Variants in FGF13 observed in about 807,000 individuals in gnomAD.
FGF13 encodes fibroblast growth factor homologous factor 2.
FGF13 carries 2 observed loss-of-function variants against 19.5 expected under a neutral mutation model. That is an observed-to-expected ratio of 0.10 (90% CI 0.04 to 0.32). FGF13 has a LOEUF of 0.32. Among genes scored for constraint, FGF13 ranks in the 10% least tolerant of loss-of-function variants. The pLI, the probability that FGF13 is intolerant of heterozygous loss-of-function variation, is 1.00. For missense variants in FGF13, 113 were observed against 192.7 expected, an observed-to-expected ratio of 0.59 and a Z score of 2.45; for synonymous variants, 72 against 76.9, an observed-to-expected ratio of 0.94 and a Z score of 0.33.
At chrX:139,084,059 C>T (rs986783251) in intron 1 of FGF13, among the ~76,000 whole-genome samples, 3 of 109,397 alleles carry the variant, frequency 2.7e-5, no homozygotes, top group African/African-American at 1.0e-4. Flanking sequence ...CTGAGCACTA[C>T]AGCCATGATA....
At chrX:139,022,984 C>T (rs1220144598) in intron 1 of FGF13, among the ~76,000 whole-genome samples, 3 of 111,356 alleles carry the variant, frequency 2.7e-5, no homozygotes, top group African/African-American at 9.8e-5. Context: ...TATTATTAGA[C>T]CCATACTACA....
intron 1 of FGF13, among the ~76,000 whole-genome samples, chrX:138,941,112 A>C (rs1469416317): frequency 1.8e-5 from 2 of 111,280 alleles, no homozygotes; most frequent in Admixed American, 9.6e-5. Flanking sequence ...CATCCCACTG[A>C]ATGGGCAAAA....
rs764971635 is a variant in FGF13, at chrX:138,726,455, G to A, written c.28+12787C>T. 6.9e-4 allele frequency among the ~76,000 whole-genome samples: 78 copies of A among 112,282 alleles called. 1 individual carries two copies. Among genetic ancestry groups the A allele is most frequent in the African/African-American group, 2.4e-3 (75 of 31,015 alleles). ...TAGTGTCTACCTCCTAGGGTAATTG[G>A]GAGAACTAAATGGTTAATATTTGTA... On this transcript the variant is annotated intron_variant, in intron 1 of 4. Coordinates refer to the FGF13 transcript ENST00000305414.
chrX:139,069,473 G>C (rs1167423775), intron 1 of FGF13, among the ~76,000 whole-genome samples: 2 of 79,473 alleles, frequency 2.5e-5, no homozygotes, highest in Non-Finnish European at 4.8e-5. Context: ...GGGGGTGGGG[G>C]GAGGGGGGAG....
intron 3 of FGF13, among the ~76,000 whole-genome samples, chrX:138,675,633 G>T (rs1602686317): frequency 9.0e-6 from 1 of 110,595 alleles, no homozygotes; most frequent in East Asian, 2.8e-4. Flanking sequence ...ATTCTATTTT[G>T]ATTTATTATT....
At chrX:138,709,028 G>A in intron 1 of FGF13, 100 bp from the exon 2 acceptor site, 6 of 454,767 alleles carry the variant, frequency 1.3e-5, no homozygotes, top group Non-Finnish European at 1.5e-5. Context: ...AAATCTTAAT[G>A]GAAAAAGTCA....
chrX:138,830,366 G>A (rs1049719205), intron 3 of FGF13, among the ~76,000 whole-genome samples: 15 of 111,972 alleles, frequency 1.3e-4, no homozygotes, highest in South Asian at 7.4e-4. Flanking sequence ...TTCTGAGGAT[G>A]TCTCAGAGAG....
chrX:139,004,929 G>A (rs499259), intron 1 of FGF13, among the ~76,000 whole-genome samples: 11,202 of 111,754 alleles, frequency 0.1, 802 homozygotes, highest in African/African-American at 0.25. Flanking sequence ...GACTTCTAGA[G>A]TGTTTTGACT....
At chrX:139,203,868 G>C (rs1329647042), upstream of FGF13, among the ~76,000 whole-genome samples, 2 of 111,942 alleles carry the variant, frequency 1.8e-5, no homozygotes, top group East Asian at 2.9e-4. Context: ...CGCGAGGAAG[G>C]AGGGAAAGTG....
intron 3 of FGF13, among the ~76,000 whole-genome samples, chrX:138,835,556 C>T (rs577190369): frequency 8.9e-6 from 1 of 112,017 alleles, no homozygotes; most frequent in African/African-American, 3.2e-5. Flanking sequence ...TATGTCACTG[C>T]ATGTGAGATA....
chrX:138,683,100 C>A (rs1276991396), intron 3 of FGF13, among the ~76,000 whole-genome samples: 1 of 111,335 alleles, frequency 9.0e-6, no homozygotes, highest in Non-Finnish European at 1.9e-5. Context: ...CCCTCATAAG[C>A]GAGCCAGGAA....
chrX:139,143,772 T>C (rs1243878871), intron 1 of FGF13, among the ~76,000 whole-genome samples: 2 of 111,597 alleles, frequency 1.8e-5, no homozygotes, highest in African/African-American at 3.3e-5. Flanking sequence ...CACTAGGGCA[T>C]TGCTGGAGCC....
intron 1 of FGF13, chrX:138,985,208 A>G: frequency 3.9e-6 from 1 of 255,546 alleles, no homozygotes; most frequent in Non-Finnish European, 7.5e-6. Flanking sequence ...AATGTTTCGC[A>G]GATTTACAGA....
At chrX:139,125,946 T>G in intron 1 of FGF13, among the ~76,000 whole-genome samples, 1 of 112,098 alleles carries the variant, frequency 8.9e-6, no homozygotes, top group Non-Finnish European at 1.9e-5. Flanking sequence ...CTGGGTTTCA[T>G]CTGTTCAGAT....
chrX:138,829,999 G>A (rs928808408), intron 3 of FGF13, among the ~76,000 whole-genome samples: 7 of 112,661 alleles, frequency 6.2e-5, no homozygotes, highest in Non-Finnish European at 9.4e-5. Context: ...GATTACAGGC[G>A]TGAGCCATCG....
intron 3 of FGF13, among the ~76,000 whole-genome samples, chrX:138,809,784 T>A (rs965338993): frequency 9.0e-6 from 1 of 111,451 alleles, no homozygotes; most frequent in African/African-American, 3.3e-5. Context: ...TCACAAGTAT[T>A]CTTATACACC....
chrX:139,068,646 T>A (rs1486030830), intron 1 of FGF13, among the ~76,000 whole-genome samples: 90 of 109,135 alleles, frequency 8.2e-4, no homozygotes, highest in African/African-American at 2.9e-3. Context: ...TTTGTTTGTA[T>A]CCTCTTTTAT....
At chrX:138,936,266 T>A (rs2091730688) in intron 1 of FGF13, among the ~76,000 whole-genome samples, 1 of 112,233 alleles carries the variant, frequency 8.9e-6, no homozygotes, top group Non-Finnish European at 1.9e-5. Context: ...GAGCTCTCCC[T>A]TAGTAATCTT....
In FGF13 at chrX:138,679,089, T is replaced by C. The variant is rs768224272; in HGVS notation, c.402+23895A>G. ...AATAGATAATGCTCCATTTTATTTT[T>C]AGAGGCAGGGTCTCACTCTATCAAT... On this transcript the variant is annotated intron_variant, in intron 3 of 4. Transcript: ENST00000315930. Among the ~76,000 whole-genome samples the C allele has an allele frequency of 2.9e-3, 325 of 111,695 alleles. 2 individuals are homozygous for C. The highest frequency in any genetic ancestry group is 5.0e-3 in the Non-Finnish European group (263 of 53,119).
Sources: gnomAD v4.1 joint callset for allele counts (sites outside exome capture counted in the v4.1 genomes callset) on GRCh38, gnomAD v4.1.1 for gene constraint, MANE v1.5 for transcripts, NCBI Gene and HGNC (gene_info 2026-07-23, HGNC 2026-07-21) for gene names.